Variants in UBAC2 observed in about 807,000 individuals in gnomAD.
The protein encoded by UBAC2 is UBA domain containing 2.
UBAC2 carries 26 observed loss-of-function variants against 44.0 expected under a neutral mutation model. The ratio of observed to expected loss-of-function variants is 0.59; its 90% confidence interval spans 0.43 to 0.82. The LOEUF (loss-of-function observed/expected upper bound fraction) is 0.82. Ranked by LOEUF, UBAC2 falls within the 40% of genes least tolerant of loss-of-function variation. UBAC2 has a pLI of 0.00. For missense variants in UBAC2, 329 were observed against 419.4 expected, an observed-to-expected ratio of 0.78 and a Z score of 1.88; for synonymous variants, 155 against 154.3, an observed-to-expected ratio of 1.00 and a Z score of -0.04.
intron 4 of UBAC2, among the ~76,000 whole-genome samples, chr13:99,279,819 G>T (rs1003518392): frequency 2.0e-5 from 3 of 152,120 alleles, no homozygotes; most frequent in Non-Finnish European, 2.9e-5. Flanking sequence ...AATCCTATTT[G>T]TGAAGACTCT....
At chr13:99,231,859 G>T (rs937899753) in intron 1 of UBAC2, among the ~76,000 whole-genome samples, 5 of 152,194 alleles carry the variant, frequency 3.3e-5, no homozygotes, top group African/African-American at 4.8e-5. Context: ...CAGCTGCCCA[G>T]TGACCAGTCA....
At chr13:99,287,829 A>G (rs1002514925) in intron 4 of UBAC2, among the ~76,000 whole-genome samples, 10 of 151,908 alleles carry the variant, frequency 6.6e-5, no homozygotes, top group Non-Finnish European at 2.9e-5. Flanking sequence ...CAACTTTAGG[A>G]CCTTCTTGCC....
In UBAC2 at chr13:99,318,020, A is replaced by G; in HGVS notation, c.514-2A>G. On this transcript the variant is annotated splice_acceptor_variant, in intron 5 of 8. Coordinates refer to ENST00000403766, the MANE Select transcript of UBAC2 (RefSeq NM_001144072.2). LOFTEE classifies it high-confidence loss of function. Reference sequence around the variant, plus strand: ...TAGTTGCCTTTTTTTTTTCTTTTATAGCTTTTCACCTCTGGTTCCTACATC... The same window carrying G: ...TAGTTGCCTTTTTTTTTTCTTTTATGGCTTTTCACCTCTGGTTCCTACATC... 3 of 1,599,554 alleles carry G rather than the reference A, an allele frequency of 1.9e-6. No homozygotes were observed. Among genetic ancestry groups the G allele is most frequent in the Non-Finnish European group, 8.5e-7 (1 of 1,175,578 alleles).
At chr13:99,360,601 G>A (rs576390092) in intron 7 of UBAC2, among the ~76,000 whole-genome samples, 2 of 152,210 alleles carry the variant, frequency 1.3e-5, no homozygotes, top group East Asian at 1.9e-4. Flanking sequence ...CCTTGAAGGC[G>A]GTATAAACCC....
rs759649634 is a variant in UBAC2 at position 99,274,721 on chromosome 13, C to CTT, written c.389+30110_389+30111dup. On this transcript the variant is annotated intron_variant, in intron 4 of 8. Transcript: ENST00000403766. The stretch of plus-strand genomic sequence containing the variant: ...TGAATATCCTTTTTCCTTTTCTTTT[C>CTT]TTTTTTTTTTTTTTGAGACAGGGTT... Among the ~76,000 whole-genome samples the CTT allele has an allele frequency of 6.0e-5, 8 of 133,800 alleles. No homozygotes were observed. The East Asian group carries it at 1.6e-3, about 27-fold the overall frequency. 87.8% of individuals were successfully genotyped at this position (133,800 alleles called of 152,430 possible).
chr13:99,232,397 GAGATATAGATATATAT>G (rs1217881763), intron 1 of UBAC2, among the ~76,000 whole-genome samples: 1 of 82,256 alleles, frequency 1.2e-5, no homozygotes, highest in Non-Finnish European at 3.0e-5. Flanking sequence ...CCTTAGTTGA[GAGATATAGATATATAT>G]ATATATATTC....
intron 4 of UBAC2, among the ~76,000 whole-genome samples, chr13:99,287,409 G>A (rs900025279): frequency 1.1e-4 from 16 of 152,034 alleles, no homozygotes; most frequent in Non-Finnish European, 2.1e-4. Context: ...TGATAATGTC[G>A]TCTTCTTAAC....
At chr13:99,215,506 G>A in intron 1 of UBAC2, 1 of 1,465,696 alleles carries the variant, frequency 6.8e-7, no homozygotes, top group East Asian at 2.3e-5. Context: ...CAAGTGACGA[G>A]GGGTAATATA....
intron 5 of UBAC2, among the ~76,000 whole-genome samples, chr13:99,316,632 A>G (rs1594120431): frequency 6.6e-6 from 1 of 152,358 alleles, no homozygotes; most frequent in East Asian, 1.9e-4. Flanking sequence ...CCCAGCCATG[A>G]GAAAACACAC....
intron 4 of UBAC2, among the ~76,000 whole-genome samples, chr13:99,264,397 T>C (rs913880389): frequency 6.6e-6 from 1 of 152,228 alleles, no homozygotes; most frequent in African/African-American, 2.4e-5. Flanking sequence ...GCTGTACTTT[T>C]CTGTATATGT....
At chr13:99,328,865 G>T (rs1232284966) in intron 6 of UBAC2, among the ~76,000 whole-genome samples, 1 of 152,086 alleles carries the variant, frequency 6.6e-6, no homozygotes, top group Non-Finnish European at 1.5e-5. Flanking sequence ...TTGTGCTTTT[G>T]ATGTTCTATT....
At chr13:99,237,271 T>TATACACAC (rs374683969) in intron 1 of UBAC2, among the ~76,000 whole-genome samples, 75 of 145,020 alleles carry the variant, frequency 5.2e-4, no homozygotes, top group Admixed American at 1.7e-3. Context: ...TATATATATA[T>TATACACAC]ACACACACAC....
At chr13:99,292,822 C>T (rs2044109915) in intron 4 of UBAC2, among the ~76,000 whole-genome samples, 2 of 151,634 alleles carry the variant, frequency 1.3e-5, no homozygotes, top group African/African-American at 4.8e-5. Context: ...ATGTATCACC[C>T]GATTCATGGA....
At chr13:99,222,660 T>C (rs577123688) in intron 1 of UBAC2, among the ~76,000 whole-genome samples, 2 of 152,352 alleles carry the variant, frequency 1.3e-5, no homozygotes, top group African/African-American at 2.4e-5. Flanking sequence ...CTTGTTGATA[T>C]GGTAAATTAC....
intron 2 of UBAC2, among the ~76,000 whole-genome samples, chr13:99,241,732 T>TC (rs1456032117): frequency 1.3e-5 from 2 of 151,600 alleles, no homozygotes; most frequent in Non-Finnish European, 2.9e-5. Context: ...TTAACTTTTT[T>TC]TTTTTTTCAA....
At chr13:99,294,912 A>T in intron 4 of UBAC2, 1 of 753,340 alleles carries the variant, frequency 1.3e-6, no homozygotes, top group Non-Finnish European at 2.1e-6. Context: ...TCTTGGGCTT[A>T]CTTCCGAGTT....
intron 4 of UBAC2, among the ~76,000 whole-genome samples, chr13:99,247,523 T>G (rs1030269452): frequency 1.3e-5 from 2 of 152,078 alleles, no homozygotes; most frequent in Non-Finnish European, 2.9e-5. Flanking sequence ...CTGTGTTGTT[T>G]TTTTTTAAAT....
intron 6 of UBAC2, among the ~76,000 whole-genome samples, chr13:99,322,697 C>T (rs1170948087): frequency 6.6e-6 from 1 of 152,078 alleles, no homozygotes; most frequent in African/African-American, 2.4e-5. Context: ...TCTGTTACAC[C>T]CAAAAGTAAG....
intron 4 of UBAC2, among the ~76,000 whole-genome samples, chr13:99,303,115 T>C (rs2138736600): frequency 6.6e-6 from 1 of 152,268 alleles, no homozygotes; most frequent in Non-Finnish European, 1.5e-5. Flanking sequence ...GCCAACCCCA[T>C]TGCATATCCT....
Sources: allele counts gnomAD v4.1 joint callset (sites outside exome capture counted in the v4.1 genomes callset), GRCh38; gene constraint gnomAD v4.1.1; transcripts MANE v1.5; gene names NCBI Gene and HGNC (gene_info 2026-07-23, HGNC 2026-07-21).